Variants in FKBP7 observed in about 807,000 individuals in gnomAD.
FKBP7 encodes the protein FKBP prolyl isomerase 7.
A neutral mutation model predicts 24.3 loss-of-function variants in FKBP7; 24 were observed. The observed-to-expected ratio is 0.99, with a 90% CI of 0.72 to 1.39. FKBP7 has a LOEUF of 1.39. Among genes scored for constraint, FKBP7 ranks in the 40% most tolerant of loss-of-function variants. FKBP7 has a pLI of 0.00. For synonymous variants in FKBP7, 98 were observed against 92.8 expected (o/e 1.06, Z -0.32); for missense variants, 257 against 269.5 (o/e 0.95, Z 0.33).
chr2:178,477,063 A>G lies in FKBP7; in HGVS notation c.372T>C (p.Tyr124=), dbSNP rs147338889. ...AGAAATTAAAATTAAACATCTTACC[A>G]TAGCCTTCCTTTCCGTATGCAAATG... ...PPSFAYGKEG[Y]AEGKIPPDAT... is the part of the protein sequence containing the mutation. The change falls in exon 2 of 4, where the codon TAT becomes TAC. Residue 124 remains tyrosine, a splice_region_variant and synonymous_variant. Transcript: ENST00000424785. 150 of 1,586,006 alleles carry G rather than the reference A, an allele frequency of 9.5e-5. No homozygotes were observed. Among genetic ancestry groups the G allele is most frequent in the Admixed American group, 5.8e-5 (3 of 51,724 alleles).
At chr2:178,469,064 T>A (rs931421037) in intron 3 of FKBP7, among the ~76,000 whole-genome samples, 1 of 151,252 alleles carries the variant, frequency 6.6e-6, no homozygotes, top group Admixed American at 6.6e-5. Flanking sequence ...GAGACGGGGG[T>A]CTCCCTGTGT....
At chr2:178,476,989 C>T (rs960912051) in intron 2 of FKBP7, 73 bp downstream of exon 2, 4 of 1,105,264 alleles carry the variant, frequency 3.6e-6, no homozygotes, top group African/African-American at 1.6e-5. Context: ...TTCTTTCAGA[C>T]CTATATACCC....
chr2:178,468,954 C>T (rs1326389694), intron 3 of FKBP7, among the ~76,000 whole-genome samples: 2 of 151,606 alleles, frequency 1.3e-5, no homozygotes, highest in South Asian at 2.1e-4. Context: ...GCAGCCCCAA[C>T]CTCCTGGGCT....
chr2:178,477,441 C>A (rs1301083898), intron 1 of FKBP7, among the ~76,000 whole-genome samples: 1 of 152,116 alleles, frequency 6.6e-6, no homozygotes, highest in Admixed American at 6.5e-5. Flanking sequence ...AAATTGTTAT[C>A]TTTACAAAAA....
rs11336824 is a variant in FKBP7 at position 178,465,741 on chromosome 2, T to TAA, written c.*27_*28dup. The TAA allele has an allele frequency of 1.6e-3, 1,952 of 1,252,758 alleles. 10 individuals are homozygous for TAA. The South Asian group carries it at 0.016, about 10-fold the overall frequency. The allele number at this position is 1,252,758 out of a possible 1,614,324, so 77.6% of individuals were successfully genotyped here. A position where few individuals can be genotyped will look rare whatever the true frequency, so the allele number is the denominator to read the frequency against. On this transcript the variant is annotated 3_prime_UTR_variant, in exon 4 of 4. Coordinates refer to ENST00000424785, the MANE Select transcript of FKBP7 (RefSeq NM_181342.3). Reference sequence around the variant, plus strand: ...TTATACATAAAGTACAGTAAATAGCTAAAAAAAAAAAGTAGAAATACAAAT... The same window carrying TAA: ...TTATACATAAAGTACAGTAAATAGCTAAAAAAAAAAAAAGTAGAAATACAAAT...
At chr2:178,466,068 T>A (rs1405274828) in intron 3 of FKBP7, 137 bp from the exon 4 acceptor site, 3 of 703,538 alleles carry the variant, frequency 4.3e-6, no homozygotes, top group Non-Finnish European at 6.5e-6. Flanking sequence ...GAAAAGCTAT[T>A]TGAGGTTTTA....
At chr2:178,475,130 T>C (rs574841638) in intron 2 of FKBP7, among the ~76,000 whole-genome samples, 48 of 152,338 alleles carry the variant, frequency 3.2e-4, no homozygotes, top group Admixed American at 8.5e-4. Flanking sequence ...TCCAACCTTT[T>C]GCCACCCTCC....
chr2:178,465,660 A>T lies in FKBP7; in HGVS notation c.*110T>A. 1 of 1,079,348 alleles carries T rather than the reference A, an allele frequency of 9.3e-7. No individual in the cohort carries two copies. Among genetic ancestry groups the T allele is most frequent in the Non-Finnish European group, 1.3e-6 (1 of 794,090 alleles). The allele number at this position is 1,079,348 out of a possible 1,614,324, so 66.9% of individuals were successfully genotyped here. On this transcript the variant is annotated 3_prime_UTR_variant, in exon 4 of 4. Transcript: ENST00000424785. ...AAATCAATGTATTGGGGAGATCAAA[A>T]TATCTTCTCATAGGGGAAAAATAGC...
intron 2 of FKBP7, among the ~76,000 whole-genome samples, chr2:178,475,215 T>C (rs1166404147): frequency 6.6e-6 from 1 of 152,050 alleles, no homozygotes; most frequent in African/African-American, 2.4e-5. Context: ...AACTATTGGA[T>C]AAGAAGGCAC....
Position 178,464,562 on chromosome 2 carries a change from A to T in FKBP7, c.*1208T>A, listed in dbSNP as rs1684603227. ...GCATGAGAACAGCACGGGGAAAACC[A>T]CCCCCATGATTCAGTTACCTCCACC... On this transcript the variant is annotated 3_prime_UTR_variant, in exon 4 of 4. Transcript: ENST00000424785. 1 of 152,096 alleles carries T rather than the reference A, an allele frequency of 6.6e-6. No individual in the cohort carries two copies. The highest frequency in any genetic ancestry group is 6.5e-5 in the Admixed American group (1 of 15,276). 9.4% of individuals were successfully genotyped at this position (152,096 alleles called of 1,614,324 possible). A position where few individuals can be genotyped will look rare whatever the true frequency, so the allele number is the denominator to read the frequency against.
chr2:178,466,355 A>G (rs1684657689), intron 3 of FKBP7, among the ~76,000 whole-genome samples: 1 of 152,162 alleles, frequency 6.6e-6, no homozygotes, highest in Non-Finnish European at 1.5e-5. Flanking sequence ...TGGGGTTTGA[A>G]ATAAAATTTA....
At chr2:178,473,950 G>C (rs1389274328) in intron 2 of FKBP7, among the ~76,000 whole-genome samples, 1 of 152,152 alleles carries the variant, frequency 6.6e-6, no homozygotes, top group Non-Finnish European at 1.5e-5. Context: ...TAAAAATAAA[G>C]CTGAAGTTAT....
At chr2:178,473,028 C>A (rs912155322) in intron 2 of FKBP7, 15 of 1,258,832 alleles carry the variant, frequency 1.2e-5, no homozygotes, top group Non-Finnish European at 1.6e-5. Context: ...TATATACATA[C>A]CGCATGTATT....
rs564706733 is a variant in FKBP7 at position 178,468,743 on chromosome 2, A to G, written c.507+909T>C. Among the ~76,000 whole-genome samples, 19 of 152,328 alleles carry G rather than the reference A, an allele frequency of 1.2e-4. 2 individuals carry two copies. In the South Asian group the frequency reaches 3.9e-3, roughly 32 times the overall value. On this transcript the variant is annotated intron_variant, in intron 3 of 3. Transcript: ENST00000424785. ...CTGATTATTATTTTCCCCATCTAAA[A>G]GCGAAGATGATGACAATAGTGTCTG...
intron 2 of FKBP7, among the ~76,000 whole-genome samples, chr2:178,475,983 C>T (rs6757474): frequency 0.097 from 14,813 of 152,160 alleles, 1,553 homozygotes; most frequent in African/African-American, 0.27. Flanking sequence ...TCAGCTGTTC[C>T]TTTTACAATG....
chr2:178,478,220 G>T, intron 1 of FKBP7, 59 bp downstream of exon 1: 1 of 1,596,728 alleles, frequency 6.3e-7, no homozygotes, highest in Non-Finnish European at 8.5e-7. Flanking sequence ...CTTCCGCTTG[G>T]TGGAGGCAGG....
At chr2:178,472,989 A>G in intron 2 of FKBP7, 1 of 893,250 alleles carries the variant, frequency 1.1e-6, no homozygotes, top group Non-Finnish European at 1.6e-6. Context: ...AGAGAAGCAG[A>G]TCAAAGAAGT....
intron 2 of FKBP7, chr2:178,473,131 T>G: frequency 7.7e-7 from 1 of 1,292,102 alleles, no homozygotes. Context: ...GAAAGACTTC[T>G]TCAAGTACTA....
Position 178,478,548 on chromosome 2 carries a change from G to A in FKBP7, c.-49C>T, listed in dbSNP as rs754856174. 12 of 1,605,636 alleles carry A rather than the reference G, an allele frequency of 7.5e-6. No homozygotes were observed. Among genetic ancestry groups the A allele is most frequent in the Middle Eastern group, 1.7e-4 (1 of 6,028 alleles). On this transcript the variant is annotated 5_prime_UTR_variant, in exon 1 of 4. It adds an upstream start codon to the 5' untranslated region. Transcript: ENST00000424785. ...CCCTCCCGCGTGTCACTCGCGCCCC[G>A]TGGATGTCCCGCGGCCGAGTTCCGA...
Sources: allele counts gnomAD v4.1 joint callset (sites outside exome capture counted in the v4.1 genomes callset), GRCh38; gene constraint gnomAD v4.1.1; transcripts MANE v1.5; gene names NCBI Gene and HGNC (gene_info 2026-07-23, HGNC 2026-07-21).